FAT2: variants seen among roughly 807,000 people sequenced by gnomAD.
FAT2 encodes protocadherin Fat 2.
Under a neutral mutation model 295.3 loss-of-function variants are expected in FAT2, and 150 were observed. The ratio of observed to expected loss-of-function variants is 0.51; its 90% CI spans 0.44 to 0.58. The LOEUF (loss-of-function observed/expected upper bound fraction) is 0.58, where lower values mean the gene tolerates loss of function less well. Ranked by LOEUF, FAT2 falls within the 20% of genes least tolerant of loss-of-function variation. The probability of loss-of-function intolerance (pLI) is 0.00; values close to 1 mark genes in which losing one functional copy is unlikely to be tolerated. For missense variants in FAT2, 4,868 were observed against 5,442.7 expected, an observed-to-expected ratio of 0.89 and a Z score of 3.32; for synonymous variants, 2,026 against 2,150.3, an observed-to-expected ratio of 0.94 and a Z score of 1.60.
rs753267624 is a variant in FAT2, at chr5:151,534,612, C to T, written c.9224G>A (p.Arg3075Gln). The T allele has an allele frequency of 1.7e-5, 27 of 1,612,730 alleles. No individual in the cohort carries two copies. The East Asian group carries it at 2.0e-4, about 12-fold the overall frequency. ...AAGGTTGAACACATCCTTCCTTTCT[C>T]GGTCTAGGGCAGTGAGTGTGGTCAG... ...GELTTLTALD[R>Q]ERKDVFNLVA... Residue 3075 changes from arginine (R) to glutamine (Q), a missense_variant, in exon 13 of 24, where the codon CGA becomes CAA. By Grantham distance (43) the Arg-to-Gln change is conservative (BLOSUM62 1). Coordinates refer to ENST00000261800, the MANE Select transcript of FAT2 (RefSeq NM_001447.3).
rs759602871 is a variant in FAT2 at position 151,534,497 on chromosome 5, G to A, written c.9339C>T (p.Phe3113=). The A allele has an allele frequency of 1.2e-6, 2 of 1,614,094 alleles. No individual in the cohort carries two copies. The highest frequency in any genetic ancestry group is 1.7e-4 in the Middle Eastern group (1 of 6,026). The change falls in exon 13 of 24, where the codon TTC becomes TTT. Residue 3113 remains phenylalanine (F), a synonymous_variant. Transcript: ENST00000261800. ...CAGCCACAGCACAGTGGCTGGGGAA[G>A]AACCGCGGGGCATTGTCATTCACAT... ...VEDVNDNAPR[F]FPSHCAVAVF... is the part of the protein sequence containing the mutation.
In FAT2 at chr5:151,512,826, G is replaced by C. The variant is rs1317139210; in HGVS notation, c.11464-220C>G. ...CACACCCCATGGGATGGTCTGGGTA[G>C]GGGGTGACATCTCCATTCACAGATG... On this transcript the variant is annotated intron_variant, in intron 20 of 23. Coordinates refer to ENST00000261800, the MANE Select transcript of FAT2 (RefSeq NM_001447.3). This position sits in a 1 kb window ranked among gnomAD's most constrained non-coding sequence, Gnocchi z 4.1. 4 of 572,356 alleles carry C rather than the reference G, an allele frequency of 7.0e-6. No homozygotes were observed. In the East Asian group the frequency reaches 8.7e-5, roughly 12 times the overall value. 35.5% of individuals were successfully genotyped at this position (572,356 alleles called of 1,614,324 possible). A position where few individuals can be genotyped will look rare whatever the true frequency, so the allele number is the denominator to read the frequency against.
chr5:151,551,449 C>T lies in FAT2; in HGVS notation c.4296+18G>A, dbSNP rs201407096. On this transcript the variant is annotated intron_variant, in intron 7 of 23. Transcript: ENST00000261800. The stretch of plus-strand genomic sequence containing the variant: ...CCATCTCCTCTCAATACAGGGGTCC[C>T]CAGCCGAGGCCTCTAACCTGTGTGG... The T allele has an allele frequency of 1.2e-6, 2 of 1,612,956 alleles. No individual in the cohort carries two copies. The highest frequency in any genetic ancestry group is 2.2e-5 in the South Asian group (2 of 90,884).
At chr5:151,555,179 A>G (rs1483216013) in intron 4 of FAT2, among the ~76,000 whole-genome samples, 4 of 152,302 alleles carry the variant, frequency 2.6e-5, no homozygotes, top group African/African-American at 9.6e-5. Context: ...GCAGAGGCAA[A>G]TAATCACATG....
rs756931391 is a variant in FAT2, at chr5:151,542,393, T to C, written c.8734A>G (p.Arg2912Gly). The C allele has an allele frequency of 2.5e-6, 4 of 1,614,200 alleles. No homozygotes were observed. Among genetic ancestry groups the C allele is most frequent in the African/African-American group, 2.7e-5 (2 of 75,052 alleles). The change falls in exon 10 of 24, where the codon AGA (arginine) becomes GGA (glycine). Residue 2912 changes from arginine (R) to glycine (G), a missense_variant. This residue lies in a region of FAT2 where 3,297 missense variants were observed against 3,669.4 expected (regional missense o/e 0.90). Coordinates refer to ENST00000261800, the MANE Select transcript of FAT2 (RefSeq NM_001447.3). ...TCACTGTTCTCAACCACAGATCCTC[T>C]GTACTCTTCAGAAGCAAATCGGGGA... ...NAPRFASEEY[R>G]GSVVENSEPG...
At position 151,540,695 on chromosome 5, in the gene FAT2, T is replaced by G. The variant is rs774691415; in HGVS notation, c.8911A>C (p.Thr2971Pro). The G allele has an allele frequency of 2.5e-6, 4 of 1,614,176 alleles. No homozygotes were observed. In the South Asian group the frequency reaches 4.4e-5, roughly 18 times the overall value. Residue 2971 changes from threonine (T) to proline (P), a missense_variant, in exon 11 of 24, where the codon ACC becomes CCC. Around this residue, in one of 5 missense-constraint regions of FAT2, gnomAD observed 3,297 missense variants for 3,669.4 expected, o/e 0.90. Transcript: ENST00000261800. Reference protein sequence around the residue: ...GDEWRISSRKTLDREHTAKYL... With the variant: ...GDEWRISSRKPLDREHTAKYL... ...TTGGCTGTATGCTCGCGGTCCAGGGTCTTCCTTGAGGAAATCCTCCACTCA... is the reference window on the plus strand; with the variant it reads ...TTGGCTGTATGCTCGCGGTCCAGGGGCTTCCTTGAGGAAATCCTCCACTCA...
chr5:151,544,693 G>A lies in FAT2; in HGVS notation c.6434C>T (p.Ala2145Val). The change falls in exon 10 of 24, where the codon GCT becomes GTT. Residue 2145 changes from alanine (A) to valine (V), a missense_variant. By Grantham distance (64) the Ala-to-Val change is moderately conservative. Around this residue, in one of 5 missense-constraint regions of FAT2, gnomAD observed 3,297 missense variants for 3,669.4 expected, o/e 0.90. Coordinates refer to ENST00000261800, the MANE Select transcript of FAT2 (RefSeq NM_001447.3). ...GAGGGATGGCGTTCCTCCATCCCGA[G>A]CAATGACTTTGAGGTGATATTTATT... ...ALNKYHLKVI[A>V]RDGGTPSLQS... The A allele has an allele frequency of 6.2e-7, 1 of 1,614,180 alleles. No individual in the cohort carries two copies. Among genetic ancestry groups the A allele is most frequent in the Non-Finnish European group, 8.5e-7 (1 of 1,180,016 alleles).
At position 151,544,824 on chromosome 5, in the gene FAT2, T is replaced by G; in HGVS notation, c.6303A>C (p.Thr2101=). The change falls in exon 10 of 24, where the codon ACA becomes ACC. Residue 2101 remains threonine (T), a synonymous_variant. Transcript: ENST00000261800. ...QVSATDEDLG[T]NGAVTYEFAE... is the part of the protein sequence containing the mutation. ...CAAATTCATATGTAACAGCCCCATT[T>G]GTCCCCAAGTCCTCATCAGTGGCAG... 1 of 1,614,224 alleles carries G rather than the reference T, an allele frequency of 6.2e-7. No individual in the cohort carries two copies. Among genetic ancestry groups the G allele is most frequent in the Non-Finnish European group, 8.5e-7 (1 of 1,180,032 alleles).
intron 1 of FAT2, among the ~76,000 whole-genome samples, chr5:151,589,289 AC>A (rs1759307437): frequency 6.6e-6 from 1 of 152,030 alleles, no homozygotes; most frequent in South Asian, 2.1e-4. Flanking sequence ...AGCCTCTCCC[AC>A]CTGGCCTTAA....
chr5:151,527,396 T>C lies in FAT2; in HGVS notation c.10165-19A>G. 6.3e-7 allele frequency: 1 copy of C among 1,579,136 alleles called. No homozygotes were observed. The highest frequency in any genetic ancestry group is 8.6e-7 in the Non-Finnish European group (1 of 1,158,760). Reference sequence around the variant, plus strand: ...TAGAGGCCTATTGCAAAATGTCCAGTGGAGGTTAGCAATGAGGTAGCTGTC... The same window carrying C: ...TAGAGGCCTATTGCAAAATGTCCAGCGGAGGTTAGCAATGAGGTAGCTGTC... On this transcript the variant is annotated intron_variant, in intron 16 of 23. Transcript: ENST00000261800.
chr5:151,589,384 A>G (rs1759311016), intron 1 of FAT2, among the ~76,000 whole-genome samples: 1 of 152,172 alleles, frequency 6.6e-6, no homozygotes, highest in Non-Finnish European at 1.5e-5. Flanking sequence ...GTTCAGTCGC[A>G]CTTAGGTTAG....
chr5:151,549,148 T>C, intron 9 of FAT2, 147 bp downstream of exon 9: 1 of 676,538 alleles, frequency 1.5e-6, no homozygotes, highest in South Asian at 1.9e-5. Context: ...TTAATTTAGG[T>C]AGTCCCAGGG....
At chr5:151,510,551 G>C (rs1382416123) in intron 21 of FAT2, 1 of 165,720 alleles carries the variant, frequency 6.0e-6, no homozygotes, top group Middle Eastern at 2.7e-3. Flanking sequence ...AGGTACAAAG[G>C]GATGGCAGAT....
chr5:151,535,585 T>C (rs1449300523), intron 12 of FAT2, among the ~76,000 whole-genome samples: 1 of 152,190 alleles, frequency 6.6e-6, no homozygotes, highest in East Asian at 1.9e-4. Flanking sequence ...TGCAGTATCC[T>C]TTATAATAAA....
chr5:151,555,343 C>CTACTTCT (rs1204376959), intron 4 of FAT2, among the ~76,000 whole-genome samples: 1 of 150,004 alleles, frequency 6.7e-6, no homozygotes, highest in African/African-American at 2.5e-5. Flanking sequence ...GGCCATTTAG[C>CTACTTCT]TACTTCTTAC....
intron 1 of FAT2, among the ~76,000 whole-genome samples, chr5:151,588,214 A>G (rs1759253500): frequency 6.6e-6 from 1 of 152,178 alleles, no homozygotes; most frequent in Non-Finnish European, 1.5e-5. Flanking sequence ...AGGGCAGCTT[A>G]CAATCCAGAG....
At chr5:151,572,337 A>G (rs1283174569) in intron 1 of FAT2, among the ~76,000 whole-genome samples, 1 of 152,180 alleles carries the variant, frequency 6.6e-6, no homozygotes, top group African/African-American at 2.4e-5. Context: ...ATGAACGCTG[A>G]AAGAGCCTTT....
rs955349517 is a variant in FAT2, at chr5:151,583,014, C to T, written c.-21+8151G>A. Among the ~76,000 whole-genome samples, 6 of 152,166 alleles carry T rather than the reference C, an allele frequency of 3.9e-5. No homozygotes were observed. The South Asian group carries it at 1.0e-3, about 26-fold the overall frequency. On this transcript the variant is annotated intron_variant, in intron 1 of 23. Coordinates refer to ENST00000261800, the MANE Select transcript of FAT2 (RefSeq NM_001447.3). The stretch of plus-strand genomic sequence containing the variant: ...GCCTACACATATCACTGTCTGCACA[C>T]GCCTCTGTTCATCAGCATCTCCAAC...
rs760935857 is a variant in FAT2 at position 151,545,107 on chromosome 5, T to C, written c.6020A>G (p.Asn2007Ser). 1 of 1,614,232 alleles carries C rather than the reference T, an allele frequency of 6.2e-7. No individual in the cohort carries two copies. The highest frequency in any genetic ancestry group is 8.5e-7 in the Non-Finnish European group (1 of 1,180,050). Residue 2007 changes from asparagine to serine, a missense_variant, in exon 10 of 24, where the codon AAT becomes AGT. This residue lies in a region of FAT2 where 3,297 missense variants were observed against 3,669.4 expected (regional missense o/e 0.90). Coordinates refer to ENST00000261800, the MANE Select transcript of FAT2 (RefSeq NM_001447.3). ...GACCATATGAAACATATCTGTGCCA[T>C]TCAAGAGAAAGTAGGAAAGGGTGTC... ...LNDTLSYFLL[N>S]GTDMFHMVQS...
Sources: gnomAD v4.1 joint callset for allele counts (sites outside exome capture counted in the v4.1 genomes callset) on GRCh38, gnomAD v4.1.1 for gene constraint, gnomAD v4.1.1 regional missense constraint, Gnocchi (gnomAD v3.1) non-coding constraint, MANE v1.5 for transcripts, NCBI Gene and HGNC (gene_info 2026-07-23, HGNC 2026-07-21) for gene names.